Variants in SORT1 observed in about 807,000 individuals in gnomAD.
SORT1 encodes the protein sortilin.
Under a neutral mutation model 101.7 loss-of-function variants are expected in SORT1, and 39 were observed. The observed-to-expected ratio is 0.38, with a 90% CI of 0.30 to 0.50. The LOEUF (loss-of-function observed/expected upper bound fraction) is 0.50, where lower values mean the gene tolerates loss of function less well. Ranked by LOEUF, SORT1 falls within the 20% of genes least tolerant of loss-of-function variation. The probability of loss-of-function intolerance (pLI) is 0.90; values close to 1 mark genes in which losing one functional copy is unlikely to be tolerated. For missense variants in SORT1, 878 were observed against 1,040.4 expected, an observed-to-expected ratio of 0.84 and a Z score of 2.15; for synonymous variants, 396 against 393.7, an observed-to-expected ratio of 1.01 and a Z score of -0.07.
chr1:109,341,825 A>AACAT, intron 9 of SORT1, among the ~76,000 whole-genome samples, 189 bp downstream of exon 9: 1 of 152,310 alleles, frequency 6.6e-6, no homozygotes, highest in Non-Finnish European at 1.5e-5. Context: ...AGAACACCTG[A>AACAT]ACATACACAC....
At chr1:109,373,968 A>G (rs1651656574) in intron 1 of SORT1, among the ~76,000 whole-genome samples, 1 of 152,178 alleles carries the variant, frequency 6.6e-6, no homozygotes, top group South Asian at 2.1e-4. Context: ...ACATGCTTGT[A>G]GCCCTCGCTA....
chr1:109,336,816 A>G (rs1387626735), intron 10 of SORT1, among the ~76,000 whole-genome samples: 1 of 151,872 alleles, frequency 6.6e-6, no homozygotes, highest in Admixed American at 6.6e-5. Flanking sequence ...GTCTCAGAAA[A>G]AAAAAAAAAA....
In SORT1 at chr1:109,309,815, C is replaced by G. The variant is rs1658611129; in HGVS notation, c.*4228G>C. ...TTTTCTGTCCTAAGGGAATAGAAAA[C>G]TTGGGTTTTTAGGGCACATGCAGTA... On this transcript the variant is annotated 3_prime_UTR_variant, in exon 20 of 20. Transcript: ENST00000256637. The G allele has an allele frequency of 6.6e-6, 1 of 152,314 alleles. No individual in the cohort carries two copies. Among genetic ancestry groups the G allele is most frequent in the African/African-American group, 2.4e-5 (1 of 41,380 alleles). The allele number at this position is 152,314 out of a possible 1,614,324, so 9.4% of individuals were successfully genotyped here.
chr1:109,332,724 C>T (rs1648544881), intron 11 of SORT1, among the ~76,000 whole-genome samples: 1 of 152,084 alleles, frequency 6.6e-6, no homozygotes, highest in Non-Finnish European at 1.5e-5. Context: ...TATTATTGAG[C>T]TATAGTAATC....
At chr1:109,325,575 A>C (rs1159272547) in intron 13 of SORT1, among the ~76,000 whole-genome samples, 1 of 152,180 alleles carries the variant, frequency 6.6e-6, no homozygotes, top group Non-Finnish European at 1.5e-5. Context: ...AGTTAACAGG[A>C]TAAGGAAGAG....
chr1:109,363,456 T>C (rs1262648717), intron 3 of SORT1, among the ~76,000 whole-genome samples: 6 of 152,230 alleles, frequency 3.9e-5, no homozygotes, highest in African/African-American at 1.4e-4. Flanking sequence ...TGTATGCATG[T>C]ACATACACAC....
intron 15 of SORT1, among the ~76,000 whole-genome samples, chr1:109,320,304 A>G (rs994984088): frequency 6.6e-6 from 1 of 152,192 alleles, no homozygotes; most frequent in African/African-American, 2.4e-5. Context: ...AAGAAATAAG[A>G]TGTTCAAAAT....
At position 109,388,523 on chromosome 1, in the gene SORT1, G is replaced by C. The variant is rs558661379; in HGVS notation, c.306+9064C>G. Among the ~76,000 whole-genome samples the C allele has an allele frequency of 4.6e-5, 7 of 152,154 alleles. No individual in the cohort carries two copies. In the South Asian group the frequency reaches 6.2e-4, roughly 14 times the overall value. On this transcript the variant is annotated intron_variant, in intron 1 of 19. Coordinates refer to ENST00000256637, the MANE Select transcript of SORT1 (RefSeq NM_002959.7). ...CCAAAAATCTTGGGATTATAGGTGT[G>C]AGTCACCCTGCTTAGCCAGGGCTAA...
intron 5 of SORT1, among the ~76,000 whole-genome samples, chr1:109,351,543 T>C (rs1324304107): frequency 1.3e-5 from 2 of 152,108 alleles, no homozygotes; most frequent in East Asian, 3.9e-4. Context: ...AACCCTGCAG[T>C]GTGTGCAGGG....
intron 19 of SORT1, 36 bp downstream of exon 19, chr1:109,314,225 G>GT (rs758367743): frequency 2.9e-5 from 43 of 1,486,104 alleles, no homozygotes; most frequent in South Asian, 5.7e-5. Context: ...TTTTTTGGGG[G>GT]GGGGGGTACT....
intron 3 of SORT1, among the ~76,000 whole-genome samples, chr1:109,366,563 A>C (rs892238307): frequency 2.6e-5 from 4 of 152,176 alleles, no homozygotes; most frequent in Admixed American, 6.5e-5. Context: ...AGTCAGGTCA[A>C]ACCAACCTCC....
At chr1:109,320,399 T>A (rs72703223) in intron 15 of SORT1, among the ~76,000 whole-genome samples, 1,622 of 152,304 alleles carry the variant, frequency 0.011, 12 homozygotes, top group Admixed American at 0.016. Context: ...ACTATCTCAG[T>A]GGAAAATTTA....
chr1:109,382,672 C>T (rs940102937), intron 1 of SORT1, among the ~76,000 whole-genome samples: 1 of 152,140 alleles, frequency 6.6e-6, no homozygotes, highest in Admixed American at 6.5e-5. Flanking sequence ...CAGATGGTAC[C>T]AACAGCCATC....
chr1:109,374,366 AG>A (rs1651682465), intron 1 of SORT1, among the ~76,000 whole-genome samples: 2 of 152,108 alleles, frequency 1.3e-5, no homozygotes, highest in Admixed American at 1.3e-4. Context: ...TGAGGTCAAG[AG>A]TTCGAGACCA....
At chr1:109,386,784 TCCTAAGAAGTA>T (rs1652595995) in intron 1 of SORT1, among the ~76,000 whole-genome samples, 1 of 151,950 alleles carries the variant, frequency 6.6e-6, no homozygotes, top group Admixed American at 6.6e-5. Flanking sequence ...CAAGCAAAGT[TCCTAAGAAGTA>T]CCTATCACAT....
At chr1:109,384,354 C>T (rs1652441667) in intron 1 of SORT1, among the ~76,000 whole-genome samples, 1 of 152,134 alleles carries the variant, frequency 6.6e-6, no homozygotes, top group Non-Finnish European at 1.5e-5. Context: ...TCTGCTTTCT[C>T]AGCATAGAGA....
chr1:109,387,714 G>A (rs536264007), intron 1 of SORT1, among the ~76,000 whole-genome samples: 1 of 152,220 alleles, frequency 6.6e-6, no homozygotes, highest in South Asian at 2.1e-4. Context: ...CAACACTTTG[G>A]GGCCGAGGTG....
At chr1:109,383,262 G>A (rs1378423351) in intron 1 of SORT1, among the ~76,000 whole-genome samples, 2 of 152,130 alleles carry the variant, frequency 1.3e-5, no homozygotes, top group African/African-American at 4.8e-5. Context: ...TTTTTGACAA[G>A]CAAAGAAGGA....
In SORT1 at chr1:109,310,110, T is replaced by C. The variant is rs530125855; in HGVS notation, c.*3933A>G. 1.3e-5 allele frequency: 2 copies of C among 152,622 alleles called. No individual in the cohort carries two copies. The highest frequency in any genetic ancestry group is 4.8e-5 in the African/African-American group (2 of 41,496). The allele number at this position is 152,622 out of a possible 1,614,324, so 9.5% of individuals were successfully genotyped here. A position where few individuals can be genotyped will look rare whatever the true frequency, so the allele number is the denominator to read the frequency against. On this transcript the variant is annotated 3_prime_UTR_variant, in exon 20 of 20. Transcript: ENST00000256637. Reference sequence around the variant, plus strand: ...CGGAGGATGAGAACTACATTAAGGATCTGGGGCATAGCAATAAATCATTAC... The same window carrying C: ...CGGAGGATGAGAACTACATTAAGGACCTGGGGCATAGCAATAAATCATTAC...
Sources: allele counts gnomAD v4.1 joint callset (sites outside exome capture counted in the v4.1 genomes callset), GRCh38; gene constraint gnomAD v4.1.1; transcripts MANE v1.5; gene names NCBI Gene and HGNC (gene_info 2026-07-23, HGNC 2026-07-21).